ROBO2: variants seen among roughly 807,000 people sequenced by gnomAD.
ROBO2 encodes the protein roundabout homolog 2.
ROBO2 carries 53 observed loss-of-function variants against 160.8 expected under a neutral mutation model. The ratio of observed to expected loss-of-function variants is 0.33; its 90% confidence interval spans 0.26 to 0.41. The LOEUF is 0.41. Among genes scored for constraint, ROBO2 ranks in the 10% least tolerant of loss-of-function variants. The probability of loss-of-function intolerance (pLI) is 1.00; values close to 1 mark genes in which losing one functional copy is unlikely to be tolerated. For synonymous variants in ROBO2, 664 were observed against 611.7 expected (o/e 1.09, Z -1.26); for missense variants, 1,577 against 1,722.4 (o/e 0.92, Z 1.49).
chr3:77,365,899 G>A (rs1268505521), intron 2 of ROBO2, among the ~76,000 whole-genome samples: 2 of 152,116 alleles, frequency 1.3e-5, no homozygotes, highest in Admixed American at 1.3e-4. Context: ...GTATTGACTA[G>A]CAAAATTTTA....
chr3:76,903,140 C>A (rs776906935), intron 2 of ROBO2, among the ~76,000 whole-genome samples: 17 of 151,916 alleles, frequency 1.1e-4, no homozygotes, highest in Non-Finnish European at 1.8e-4. Context: ...GAAAAAATGA[C>A]CGATATTGAA....
chr3:76,288,447 C>T (rs1436362465), intron 2 of ROBO2, among the ~76,000 whole-genome samples: 3 of 151,728 alleles, frequency 2.0e-5, no homozygotes, highest in Non-Finnish European at 1.5e-5. Flanking sequence ...AAGGCCCTTC[C>T]CCATTAACAA....
intron 2 of ROBO2, among the ~76,000 whole-genome samples, chr3:76,933,539 A>G (rs1488716344): frequency 1.3e-5 from 2 of 152,168 alleles, no homozygotes; most frequent in Admixed American, 6.5e-5. Context: ...TTTTTAATCA[A>G]CTCTAATTTA....
At chr3:76,818,348 T>TTTTCCC (rs1345356299) in intron 2 of ROBO2, among the ~76,000 whole-genome samples, 1 of 152,090 alleles carries the variant, frequency 6.6e-6, no homozygotes, top group Non-Finnish European at 1.5e-5. Flanking sequence ...TTGTTTGTTT[T>TTTTCCC]TTTTCTTGAT....
chr3:77,516,014 G>A (rs1383866601), intron 5 of ROBO2, among the ~76,000 whole-genome samples: 1 of 151,254 alleles, frequency 6.6e-6, no homozygotes, highest in Non-Finnish European at 1.5e-5. Flanking sequence ...TATCATAGAG[G>A]TACTTTATTT....
Position 76,431,237 on chromosome 3 carries a change from C to CA in ROBO2, c.109+493643dup, listed in dbSNP as rs996254917. On this transcript the variant is annotated intron_variant, in intron 2 of 26. Coordinates refer to the ROBO2 transcript ENST00000487694. ...AACACAATGGCCTTTTATTTGTCAG[C>CA]AAAAAAAATCAAAGTTAATTTAAAA... Among the ~76,000 whole-genome samples, 108 of 149,762 alleles carry CA rather than the reference C, an allele frequency of 7.2e-4. No individual in the cohort carries two copies. The Middle Eastern group carries it at 0.01, about 14-fold the overall frequency.
At chr3:76,491,307 T>C (rs571674746) in intron 2 of ROBO2, among the ~76,000 whole-genome samples, 7 of 152,274 alleles carry the variant, frequency 4.6e-5, no homozygotes, top group Admixed American at 4.6e-4. Context: ...GTAGAGCATA[T>C]GATCTCCCTT....
chr3:76,145,825 A>T (rs1021488658), intron 2 of ROBO2, among the ~76,000 whole-genome samples: 7 of 152,084 alleles, frequency 4.6e-5, no homozygotes, highest in Non-Finnish European at 8.8e-5. Context: ...AAAAATAGGC[A>T]ATTTCCAAAT....
chr3:76,074,803 C>G (rs1420339936), intron 2 of ROBO2, among the ~76,000 whole-genome samples: 1 of 151,922 alleles, frequency 6.6e-6, no homozygotes. Context: ...TCAGATATGG[C>G]CCTTCAAAGT....
chr3:76,204,556 A>G (rs192424630), intron 2 of ROBO2, among the ~76,000 whole-genome samples: 33 of 152,332 alleles, frequency 2.2e-4, no homozygotes, highest in Non-Finnish European at 4.6e-4. Context: ...TAGCTAATTC[A>G]ATAGCCACCT....
intron 2 of ROBO2, among the ~76,000 whole-genome samples, chr3:77,108,670 G>A (rs1411733255): frequency 6.6e-6 from 1 of 152,106 alleles, no homozygotes; most frequent in Non-Finnish European, 1.5e-5. Context: ...GCAGGAGTGA[G>A]GAGGGGCCGC....
rs574921349 is a variant in ROBO2 at position 77,145,756 on chromosome 3, T to A, written c.388+47416T>A. 5.3e-5 allele frequency among the ~76,000 whole-genome samples: 8 copies of A among 152,364 alleles called. No homozygotes were observed. The East Asian group carries it at 1.5e-3, about 29-fold the overall frequency. On this transcript the variant is annotated intron_variant, in intron 2 of 25. Coordinates refer to ENST00000461745, the Ensembl canonical transcript of ROBO2. ...GTGTTTCTAGAAAAGATCTTTTCTG[T>A]CACAGCAAATGCCATGGTAAAATTC...
intron 2 of ROBO2, among the ~76,000 whole-genome samples, chr3:75,957,700 A>G (rs1300948695): frequency 1.3e-5 from 2 of 150,804 alleles, no homozygotes; most frequent in African/African-American, 4.9e-5. Context: ...AACATTACTA[A>G]GAGGGTTTTT....
chr3:76,887,670 A>G (rs1420565263), intron 2 of ROBO2, among the ~76,000 whole-genome samples: 1 of 152,198 alleles, frequency 6.6e-6, no homozygotes, highest in East Asian at 1.9e-4. Flanking sequence ...TCTGACAATT[A>G]AATCTGGATC....
chr3:77,418,629 C>A (rs113507859), intron 2 of ROBO2, among the ~76,000 whole-genome samples: 5 of 152,142 alleles, frequency 3.3e-5, no homozygotes, highest in African/African-American at 1.2e-4. Flanking sequence ...TATGACAGAT[C>A]GCTTACCCAA....
At chr3:76,182,082 C>G (rs1183026264) in intron 2 of ROBO2, among the ~76,000 whole-genome samples, 2 of 152,052 alleles carry the variant, frequency 1.3e-5, no homozygotes, top group South Asian at 4.1e-4. Context: ...GAAGAAGGGC[C>G]AGGAGCATTA....
intron 2 of ROBO2, among the ~76,000 whole-genome samples, chr3:77,170,201 A>G (rs887253423): frequency 1.3e-5 from 2 of 152,054 alleles, no homozygotes; most frequent in African/African-American, 2.4e-5. Flanking sequence ...GGCTGCCCAT[A>G]TATTATTTAA....
chr3:76,172,087 A>G (rs1202045197), intron 2 of ROBO2, among the ~76,000 whole-genome samples: 2 of 152,146 alleles, frequency 1.3e-5, no homozygotes, highest in Non-Finnish European at 2.9e-5. Flanking sequence ...TTAAACTGCT[A>G]TTGAAAACCA....
intron 23 of ROBO2, chr3:77,632,550 C>G (rs1307904881): frequency 2.0e-6 from 3 of 1,535,642 alleles, no homozygotes; most frequent in African/African-American, 2.7e-5. Flanking sequence ...GTGTAGGTAG[C>G]TCCTCAGATG....
Sources: gnomAD v4.1 joint callset for allele counts (sites outside exome capture counted in the v4.1 genomes callset) on GRCh38, gnomAD v4.1.1 for gene constraint, MANE v1.5 for transcripts, NCBI Gene and HGNC (gene_info 2026-07-23, HGNC 2026-07-21) for gene names.